PSD3: variants seen among roughly 807,000 people sequenced by gnomAD.
PSD3 encodes the protein PH and SEC7 domain-containing protein 3.
A neutral mutation model predicts 105.5 loss-of-function variants in PSD3; 49 were observed. That is an observed-to-expected ratio of 0.46 (90% confidence interval 0.37 to 0.59). The LOEUF (loss-of-function observed/expected upper bound fraction) is 0.59, where lower values mean the gene tolerates loss of function less well. PSD3 is among the 20% of genes least tolerant of loss of function. The pLI, the probability that PSD3 is intolerant of heterozygous loss-of-function variation, is 0.00. For missense variants in PSD3, 1,561 were observed against 1,263.8 expected, an observed-to-expected ratio of 1.24 and a Z score of -3.57; for synonymous variants, 557 against 457.8, an observed-to-expected ratio of 1.22 and a Z score of -2.77.
chr8:18,980,922 C>T lies in PSD3; in HGVS notation c.21+32641G>A, dbSNP rs146233569. On this transcript the variant is annotated intron_variant, in intron 1 of 15. Coordinates refer to ENST00000327040, the MANE Select transcript of PSD3 (RefSeq NM_015310.4). ...TTCACAGCTTCTGATCGCTGGTCTT[C>T]GCACTTAGCTACTCCCCCAACTGGA... is the stretch of plus-strand genomic sequence containing the variant. 7.4e-3 allele frequency among the ~76,000 whole-genome samples: 1,122 copies of T among 152,262 alleles called. 4 individuals are homozygous for T. Among genetic ancestry groups the T allele is most frequent in the Non-Finnish European group, 0.011 (722 of 68,012 alleles).
At chr8:19,001,103 C>T (rs1586608755) in intron 1 of PSD3, among the ~76,000 whole-genome samples, 2 of 149,010 alleles carry the variant, frequency 1.3e-5, no homozygotes, top group Admixed American at 6.7e-5. Flanking sequence ...TTTAAAATGA[C>T]TTTTTTTTTT....
intron 1 of PSD3, among the ~76,000 whole-genome samples, chr8:18,953,926 A>G (rs1823399301): frequency 6.6e-6 from 1 of 152,162 alleles, no homozygotes. Context: ...ATATACATAT[A>G]TATGTATACA....
At chr8:18,847,050 T>G (rs1352524006) in intron 4 of PSD3, among the ~76,000 whole-genome samples, 1 of 151,856 alleles carries the variant, frequency 6.6e-6, no homozygotes, top group East Asian at 1.9e-4. Context: ...TAAGCAAGAG[T>G]CAAGAAATTC....
chr8:18,710,259 G>A (rs1802169989), intron 9 of PSD3, among the ~76,000 whole-genome samples: 1 of 152,108 alleles, frequency 6.6e-6, no homozygotes, highest in African/African-American at 2.4e-5. Context: ...TGAAGACTAT[G>A]TTGCTGAAGT....
chr8:18,773,781 A>G (rs1242464030), intron 8 of PSD3, among the ~76,000 whole-genome samples: 2 of 152,304 alleles, frequency 1.3e-5, no homozygotes, highest in Middle Eastern at 6.8e-3. Flanking sequence ...ATTTCTTTAC[A>G]TACATATACA....
chr8:18,743,860 TG>T (rs537030856), intron 9 of PSD3, among the ~76,000 whole-genome samples: 15 of 151,062 alleles, frequency 9.9e-5, no homozygotes, highest in Non-Finnish European at 2.1e-4. Context: ...GAGGTTAAGG[TG>T]GGAGGATCCC....
intron 10 of PSD3, among the ~76,000 whole-genome samples, chr8:18,639,731 A>T (rs1260725571): frequency 6.6e-6 from 1 of 152,162 alleles, no homozygotes; most frequent in Non-Finnish European, 1.5e-5. Flanking sequence ...TGAGACAATA[A>T]ATCTGGGTTT....
intron 1 of PSD3, among the ~76,000 whole-genome samples, chr8:19,033,481 G>A (rs930725641): frequency 8.6e-5 from 13 of 151,614 alleles, no homozygotes; most frequent in African/African-American, 3.1e-4. Context: ...CTATGTAGAT[G>A]TAATGTGAAA....
At chr8:18,792,086 A>C (rs1200685440) in intron 8 of PSD3, among the ~76,000 whole-genome samples, 1 of 152,180 alleles carries the variant, frequency 6.6e-6, no homozygotes, top group Non-Finnish European at 1.5e-5. Context: ...CGAGGTTGTG[A>C]AGAAAAAGGA....
intron 9 of PSD3, among the ~76,000 whole-genome samples, chr8:18,748,386 C>T (rs1269279356): frequency 2.0e-5 from 3 of 152,010 alleles, no homozygotes; most frequent in Non-Finnish European, 2.9e-5. Flanking sequence ...CCAGGCTGGG[C>T]GCGATGGCTC....
chr8:19,003,641 A>G (rs1057285633), intron 1 of PSD3, among the ~76,000 whole-genome samples: 1 of 151,968 alleles, frequency 6.6e-6, no homozygotes, highest in African/African-American at 2.4e-5. Context: ...AGGAGGGAAG[A>G]AGGAGGGAGG....
At chr8:18,640,244 G>A (rs1187733950) in intron 10 of PSD3, among the ~76,000 whole-genome samples, 2 of 152,124 alleles carry the variant, frequency 1.3e-5, no homozygotes, top group Non-Finnish European at 2.9e-5. Context: ...GCTGCTAAGT[G>A]TAGGCTAAAT....
intron 9 of PSD3, among the ~76,000 whole-genome samples, chr8:18,758,866 T>C (rs6987329): frequency 0.27 from 41,785 of 152,032 alleles, 8,001 homozygotes; most frequent in African/African-American, 0.52. Flanking sequence ...TTCTTGGAAC[T>C]GTCTCCTAAG....
chr8:19,006,235 G>A (rs775091928), intron 1 of PSD3, among the ~76,000 whole-genome samples: 3 of 149,556 alleles, frequency 2.0e-5, no homozygotes, highest in Admixed American at 6.7e-5. Context: ...GGGGGTTGCA[G>A]TGAGCCGAGA....
At chr8:18,817,103 G>A (rs868710281) in intron 4 of PSD3, among the ~76,000 whole-genome samples, 5 of 152,144 alleles carry the variant, frequency 3.3e-5, no homozygotes, top group Non-Finnish European at 7.3e-5. Flanking sequence ...GTGAGCAAGG[G>A]GAAGAGGAGT....
intron 9 of PSD3, among the ~76,000 whole-genome samples, chr8:18,656,461 T>G (rs1341070349): frequency 1.6e-5 from 2 of 124,854 alleles, no homozygotes; most frequent in Non-Finnish European, 3.4e-5. Flanking sequence ...AAAAGCATCT[T>G]AGGATAGTTT....
intron 1 of PSD3, among the ~76,000 whole-genome samples, chr8:19,030,228 C>CAT (rs1301067530): frequency 2.0e-5 from 3 of 152,190 alleles, no homozygotes; most frequent in African/African-American, 7.2e-5. Context: ...TTGAGATACT[C>CAT]ATATGATTTT....
intron 1 of PSD3, among the ~76,000 whole-genome samples, chr8:18,942,282 CATGACTCACTCAA>C (rs1822595181): frequency 1.3e-5 from 2 of 152,142 alleles, no homozygotes. Context: ...AATAATATTT[CATGACTCACTCAA>C]AACTAACACT....
chr8:18,929,821 GA>G (rs71218910), intron 2 of PSD3, among the ~76,000 whole-genome samples: 18,294 of 151,712 alleles, frequency 0.12, 1,165 homozygotes, highest in Middle Eastern at 0.26. Context: ...ATCTCAGGGG[GA>G]AAAAAAATCT....
Sources: allele counts gnomAD v4.1 joint callset (sites outside exome capture counted in the v4.1 genomes callset), GRCh38; gene constraint gnomAD v4.1.1; transcripts MANE v1.5; gene names NCBI Gene and HGNC (gene_info 2026-07-23, HGNC 2026-07-21).